The following KLRG2 variants were observed in gnomAD, a reference collection of about 807,000 sequenced individuals.
The protein encoded by KLRG2 is killer cell lectin like receptor G2, also known as killer cell lectin-like receptor subfamily G member 2.
In KLRG2, 39 loss-of-function variants were observed where a neutral mutation model predicts 35.4. The ratio of observed to expected loss-of-function variants is 1.10; its 90% confidence interval spans 0.85 to 1.44. The LOEUF is 1.44. Ranked by LOEUF, KLRG2 falls within the 40% of genes most tolerant of loss-of-function variation. The pLI, the probability that KLRG2 is intolerant of heterozygous loss-of-function variation, is 0.00. For synonymous variants in KLRG2, 283 were observed against 265.8 expected, an observed-to-expected ratio of 1.06 and a Z score of -0.63; for missense variants, 632 against 570.9, an observed-to-expected ratio of 1.11 and a Z score of -1.09.
chr7:139,457,135 A>G (rs1365087445), intron 3 of KLRG2, among the ~76,000 whole-genome samples: 6 of 152,150 alleles, frequency 3.9e-5, no homozygotes, highest in Non-Finnish European at 7.4e-5. Context: ...GCATAGGAAA[A>G]TGGAGAGTGG....
the KLRG2 span, among the ~76,000 whole-genome samples, chr7:139,432,283 G>A: frequency 6.6e-6 from 1 of 151,864 alleles, no homozygotes; most frequent in African/African-American, 2.4e-5. Flanking sequence ...TGGCGCCCAG[G>A]ATGAGACTGC....
chr7:139,479,700 G>A lies in KLRG2; in HGVS notation c.932C>T (p.Ala311Val), dbSNP rs138023732. Residue 311 changes from alanine to valine, a missense_variant, in exon 3 of 5, where the codon GCG (alanine) becomes GTG (valine). By Grantham distance (64) the Ala-to-Val change is moderately conservative. Coordinates refer to ENST00000340940, the MANE Select transcript of KLRG2 (RefSeq NM_198508.4). ...EEHCYYFSAE[A>V]QAWEASQAFC... is the part of the protein sequence containing the mutation. ...AGCCTGGCTGGCTTCCCAGGCCTGC[G>A]CTTCTGCAGAGAAGTAGTAACAGTG... The A allele has an allele frequency of 3.0e-5, 49 of 1,613,862 alleles. No individual in the cohort carries two copies. The African/African-American group carries it at 3.6e-4, about 12-fold the overall frequency.
In KLRG2 at chr7:139,483,379, C is replaced by G; in HGVS notation, c.264G>C (p.Gly88=). The part of the protein sequence containing the change: ...PRVPPLSLGY[G]VCPEPPSPGP... Reference sequence around the variant, plus strand: ...CCGGTGACGGCGGCTCGGGGCAGACCCCGTAGCCCAGGCTGAGCGGCGGCA... The same window carrying G: ...CCGGTGACGGCGGCTCGGGGCAGACGCCGTAGCCCAGGCTGAGCGGCGGCA... The change falls in exon 1 of 5, where the codon GGG becomes GGC. Residue 88 remains glycine, a synonymous_variant. Transcript: ENST00000340940. The G allele has an allele frequency of 6.5e-7, 1 of 1,538,096 alleles. No homozygotes were observed. Among genetic ancestry groups the G allele is most frequent in the Non-Finnish European group, 8.7e-7 (1 of 1,154,318 alleles).
At position 139,477,844 on chromosome 7, in the gene KLRG2, C is replaced by T. The variant is rs1007586426; in HGVS notation, c.1005+1783G>A. Reference sequence around the variant, plus strand: ...CACAATCTCGGCTCACTGCAAGCTCCGCCTCCCAGGTTCATGCCATTCTCC... The same window carrying T: ...CACAATCTCGGCTCACTGCAAGCTCTGCCTCCCAGGTTCATGCCATTCTCC... On this transcript the variant is annotated intron_variant, in intron 3 of 4. Coordinates refer to ENST00000340940, the MANE Select transcript of KLRG2 (RefSeq NM_198508.4). 3.7e-4 allele frequency among the ~76,000 whole-genome samples: 56 copies of T among 152,084 alleles called. 1 individual carries two copies. The highest frequency in any genetic ancestry group is 4.2e-4 in the South Asian group (2 of 4,810).
At chr7:139,440,252 G>A in the KLRG2 span, among the ~76,000 whole-genome samples, 3 of 151,564 alleles carry the variant, frequency 2.0e-5, no homozygotes, top group African/African-American at 7.3e-5. Context: ...TGGAATTATA[G>A]GTGTGTGCCA....
chr7:139,429,177 G>A, the KLRG2 span, among the ~76,000 whole-genome samples: 6 of 152,044 alleles, frequency 3.9e-5, no homozygotes, highest in South Asian at 2.1e-4. Context: ...GTGGTGGCGC[G>A]CACCTGTAAT....
intron 4 of KLRG2, 58 bp from the exon 5 acceptor site, chr7:139,453,765 C>G (rs1455083129): frequency 6.3e-7 from 1 of 1,599,730 alleles, no homozygotes; most frequent in African/African-American, 1.3e-5. Context: ...GGCCTTGCTT[C>G]CCAGCCAGAC....
the KLRG2 span, among the ~76,000 whole-genome samples, chr7:139,429,378 TTCTTTTTC>T: frequency 1.4e-5 from 2 of 142,796 alleles, no homozygotes; most frequent in African/African-American, 2.7e-5. Context: ...GTTTTTCTTT[TTCTTTTTC>T]TTTTTTTTTT....
chr7:139,466,324 T>A (rs1796653288), intron 3 of KLRG2, among the ~76,000 whole-genome samples: 1 of 152,138 alleles, frequency 6.6e-6, no homozygotes, highest in African/African-American at 2.4e-5. Flanking sequence ...TTTCTTCTCT[T>A]CTGTCAGACA....
At chr7:139,456,661 T>A (rs1337171391) in intron 3 of KLRG2, among the ~76,000 whole-genome samples, 3 of 152,166 alleles carry the variant, frequency 2.0e-5, no homozygotes, top group Non-Finnish European at 2.9e-5. Context: ...CTCTCTTTTT[T>A]ATTTTTTAAG....
rs1412277632 is a variant in KLRG2 at position 139,453,387 on chromosome 7, C to T, written c.*200G>A. Reference sequence around the variant, plus strand: ...CTAATATTGGCACTCAGGCCTGAGGCCATAGAAAATCTCCTTTCCCTCGGA... The same window carrying T: ...CTAATATTGGCACTCAGGCCTGAGGTCATAGAAAATCTCCTTTCCCTCGGA... On this transcript the variant is annotated 3_prime_UTR_variant, in exon 5 of 5. Coordinates refer to ENST00000340940, the MANE Select transcript of KLRG2 (RefSeq NM_198508.4). 6 of 583,648 alleles carry T rather than the reference C, an allele frequency of 1.0e-5. No homozygotes were observed. Among genetic ancestry groups the T allele is most frequent in the Non-Finnish European group, 1.8e-5 (6 of 333,914 alleles). The allele number at this position is 583,648 out of a possible 1,614,324, so 36.2% of individuals were successfully genotyped here.
At chr7:139,441,686 C>T in the KLRG2 span, among the ~76,000 whole-genome samples, 1 of 152,108 alleles carries the variant, frequency 6.6e-6, no homozygotes, top group Non-Finnish European at 1.5e-5. Flanking sequence ...GCAGGAGGAT[C>T]CCTTGAGCCC....
chr7:139,483,510 C>T lies in KLRG2; in HGVS notation c.133G>A (p.Glu45Lys), dbSNP rs181619768. The T allele has an allele frequency of 5.6e-6, 9 of 1,599,364 alleles. No individual in the cohort carries two copies. Among genetic ancestry groups the T allele is most frequent in the Admixed American group, 3.3e-5 (2 of 59,852 alleles). ...PAKVRQPEGP[E>K]SSPSPAGAVE... The stretch of plus-strand genomic sequence containing the variant: ...GCCCCGGCCGGACTTGGGCTGCTTT[C>T]GGGACCTTCAGGTTGTCGCACCTTC... The change falls in exon 1 of 5, where the codon GAA (glutamate) becomes AAA (lysine). Residue 45 changes from glutamate to lysine, a missense_variant. Physicochemically the swap from Glu to Lys is moderately conservative, Grantham distance 56 (BLOSUM62 1). Transcript: ENST00000340940.
At chr7:139,468,428 A>C (rs772296543) in intron 3 of KLRG2, among the ~76,000 whole-genome samples, 5 of 152,108 alleles carry the variant, frequency 3.3e-5, no homozygotes, top group Non-Finnish European at 7.4e-5. Context: ...CTGGCTCATA[A>C]GCTCCCCAAC....
chr7:139,448,465 G>A (rs1037326716), downstream of KLRG2, among the ~76,000 whole-genome samples: 1 of 152,140 alleles, frequency 6.6e-6, no homozygotes, highest in African/African-American at 2.4e-5. Flanking sequence ...ACTGAATACT[G>A]TTGGCAACTG....
chr7:139,478,993 AG>A (rs1796905829), intron 3 of KLRG2, among the ~76,000 whole-genome samples: 1 of 152,188 alleles, frequency 6.6e-6, no homozygotes, highest in Non-Finnish European at 1.5e-5. Flanking sequence ...TGGGAGGCTA[AG>A]GAAGGAGGAT....
chr7:139,452,288 TTTG>T (rs1796388256), downstream of KLRG2, among the ~76,000 whole-genome samples: 1 of 152,056 alleles, frequency 6.6e-6, no homozygotes, highest in Non-Finnish European at 1.5e-5. Context: ...CATTTCCCTT[TTTG>T]TTATTACTTT....
intron 3 of KLRG2, among the ~76,000 whole-genome samples, chr7:139,465,188 C>T (rs1162538115): frequency 2.0e-5 from 3 of 152,250 alleles, no homozygotes; most frequent in African/African-American, 4.8e-5. Flanking sequence ...TCCACTACCT[C>T]TCAACTAGCC....
At chr7:139,442,771 G>A in the KLRG2 span, among the ~76,000 whole-genome samples, 1 of 152,158 alleles carries the variant, frequency 6.6e-6, no homozygotes, top group Non-Finnish European at 1.5e-5. Flanking sequence ...AAAAGTCATA[G>A]TGAGTCAGTA....
Sources: allele counts gnomAD v4.1 joint callset (sites outside exome capture counted in the v4.1 genomes callset), GRCh38; gene constraint gnomAD v4.1.1; transcripts MANE v1.5; gene names NCBI Gene and HGNC (gene_info 2026-07-23, HGNC 2026-07-21).